The following PTN variants were observed in gnomAD, a reference collection of about 807,000 sequenced individuals.
PTN encodes the protein pleiotrophin.
Under a neutral mutation model 24.1 loss-of-function variants are expected in PTN, and 18 were observed. That is an observed-to-expected ratio of 0.75 (90% CI 0.52 to 1.11). The LOEUF is 1.11. Ranked by LOEUF, PTN falls within the 50% of genes least tolerant of loss-of-function variation. The probability of loss-of-function intolerance (pLI) is 0.00; values close to 1 mark genes in which losing one functional copy is unlikely to be tolerated. For synonymous variants in PTN, 78 were observed against 68.6 expected, an observed-to-expected ratio of 1.14 and a Z score of -0.67; for missense variants, 163 against 198.8, an observed-to-expected ratio of 0.82 and a Z score of 1.08.
intron 1 of PTN, among the ~76,000 whole-genome samples, chr7:137,321,884 CTAGGA>C (rs1810168291): frequency 6.6e-6 from 1 of 152,072 alleles, no homozygotes; most frequent in Admixed American, 6.6e-5. Flanking sequence ...CCGTATGTGA[CTAGGA>C]TAAGTAAAAA....
intron 1 of PTN, among the ~76,000 whole-genome samples, chr7:137,275,788 C>T (rs1809350740): frequency 6.6e-6 from 1 of 152,160 alleles, no homozygotes; most frequent in African/African-American, 2.4e-5. Flanking sequence ...TAAGAAACCA[C>T]ATTTAAAAAT....
At chr7:137,267,815 C>G (rs1024072697) in intron 1 of PTN, among the ~76,000 whole-genome samples, 3 of 152,022 alleles carry the variant, frequency 2.0e-5, no homozygotes, top group Non-Finnish European at 4.4e-5. Flanking sequence ...GAAATCCAAG[C>G]CAGGTCAAAA....
intron 1 of PTN, among the ~76,000 whole-genome samples, chr7:137,258,684 T>TA (rs1247562149): frequency 6.6e-6 from 1 of 152,182 alleles, no homozygotes; most frequent in Non-Finnish European, 1.5e-5. Context: ...GCTGTTGTAG[T>TA]AAATACTTGA....
chr7:137,302,289 AAC>A (rs1337456569), intron 1 of PTN, among the ~76,000 whole-genome samples: 1 of 152,000 alleles, frequency 6.6e-6, no homozygotes, highest in Non-Finnish European at 1.5e-5. Context: ...TAAGAAACAA[AAC>A]AGAGGCAACG....
intron 1 of PTN, among the ~76,000 whole-genome samples, chr7:137,286,734 G>T (rs1231960590): frequency 6.6e-6 from 1 of 152,044 alleles, no homozygotes; most frequent in East Asian, 1.9e-4. Flanking sequence ...ATAAATATTT[G>T]GAAGAATAGT....
At position 137,283,049 on chromosome 7, in the gene PTN, G is replaced by A. The variant is rs144304375; in HGVS notation, c.-1-28075C>T. Among the ~76,000 whole-genome samples the A allele has an allele frequency of 6.2e-4, 94 of 152,200 alleles. 1 individual carries two copies. In the East Asian group the frequency reaches 0.018, roughly 29 times the overall value. ...TGGAGCAGGAAATATCAAAGAGCCT[G>A]AAGGCTACCCCCTCCACTCCCACCT... On this transcript the variant is annotated intron_variant, in intron 1 of 4. Coordinates refer to ENST00000348225, the MANE Select transcript of PTN (RefSeq NM_002825.7).
chr7:137,281,770 G>A (rs904223295), intron 1 of PTN, among the ~76,000 whole-genome samples: 2 of 151,984 alleles, frequency 1.3e-5, no homozygotes, highest in African/African-American at 4.8e-5. Flanking sequence ...CAATTTAAAA[G>A]TAAAAAAATA....
rs143709564 is a variant in PTN at position 137,235,977 on chromosome 7, C to T, written c.452-7902G>A. The stretch of plus-strand genomic sequence containing the variant: ...CCCCCACTCACTTTGGGAGGCGGCT[C>T]AGCATTTAACTGCATCTCCTAAAAA... On this transcript the variant is annotated intron_variant, in intron 4 of 4. Coordinates refer to ENST00000348225, the MANE Select transcript of PTN (RefSeq NM_002825.7). 1.3e-3 allele frequency among the ~76,000 whole-genome samples: 196 copies of T among 152,238 alleles called. 3 individuals carry two copies. The East Asian group carries it at 0.029, about 22-fold the overall frequency.
intron 1 of PTN, among the ~76,000 whole-genome samples, chr7:137,258,521 C>T (rs1410007242): frequency 1.3e-5 from 2 of 152,008 alleles, no homozygotes; most frequent in Admixed American, 6.6e-5. Context: ...CTACTTAAGC[C>T]TATATTTTGA....
At chr7:137,289,436 C>A (rs963628416) in intron 1 of PTN, among the ~76,000 whole-genome samples, 1 of 152,166 alleles carries the variant, frequency 6.6e-6, no homozygotes, top group Non-Finnish European at 1.5e-5. Context: ...CGAGCAACCA[C>A]GAATCCAAGT....
At chr7:137,264,403 G>A (rs1809100344) in intron 1 of PTN, among the ~76,000 whole-genome samples, 1 of 152,174 alleles carries the variant, frequency 6.6e-6, no homozygotes, top group African/African-American at 2.4e-5. Flanking sequence ...CAAATTTTAA[G>A]GAAAATGAGT....
intron 1 of PTN, among the ~76,000 whole-genome samples, chr7:137,317,125 G>A (rs1260700430): frequency 6.6e-6 from 1 of 152,166 alleles, no homozygotes; most frequent in Non-Finnish European, 1.5e-5. Flanking sequence ...CTGTGTTTGT[G>A]AATCTGTCAC....
intron 1 of PTN, among the ~76,000 whole-genome samples, chr7:137,280,408 T>C (rs1402121997): frequency 6.6e-6 from 1 of 151,790 alleles, no homozygotes; most frequent in Non-Finnish European, 1.5e-5. Flanking sequence ...GGATTTAGTA[T>C]TGCCCAAGGA....
chr7:137,228,271 C>CTG (rs2128866656), intron 4 of PTN, among the ~76,000 whole-genome samples, 196 bp from the exon 5 acceptor site: 1 of 151,794 alleles, frequency 6.6e-6, no homozygotes, highest in South Asian at 2.1e-4. Context: ...GTCTGTCTGT[C>CTG]TGTCTGCTTT....
intron 1 of PTN, among the ~76,000 whole-genome samples, chr7:137,267,617 T>C (rs1036572901): frequency 3.9e-5 from 6 of 152,130 alleles, no homozygotes; most frequent in Non-Finnish European, 7.3e-5. Flanking sequence ...CTTAAATTCT[T>C]TCTTGAAATT....
intron 1 of PTN, among the ~76,000 whole-genome samples, chr7:137,340,820 A>C (rs1810521949): frequency 6.6e-6 from 1 of 152,148 alleles, no homozygotes; most frequent in Non-Finnish European, 1.5e-5. Flanking sequence ...GCTGAGGTGC[A>C]CTCAGGTGTG....
chr7:137,295,142 G>C (rs1002279690), intron 1 of PTN, among the ~76,000 whole-genome samples: 18 of 152,036 alleles, frequency 1.2e-4, no homozygotes, highest in Admixed American at 2.6e-4. Context: ...TCAGATTTTA[G>C]AGACTCTATG....
chr7:137,312,225 T>A (rs1264445503), intron 1 of PTN, among the ~76,000 whole-genome samples: 1 of 152,254 alleles, frequency 6.6e-6, no homozygotes, highest in Non-Finnish European at 1.5e-5. Flanking sequence ...ACAGTTGTAA[T>A]CATTTTCCAG....
rs1554383234 is a variant in PTN at position 137,324,433 on chromosome 7, A to ATAT, written c.-2+19005_-2+19006insATA. 7.3e-3 allele frequency among the ~76,000 whole-genome samples: 644 copies of ATAT among 88,740 alleles called. 9 individuals carry two copies. The highest frequency in any genetic ancestry group is 0.021 in the African/African-American group (297 of 14,476). The allele number at this position is 88,740 out of a possible 152,430, so 58.2% of individuals were successfully genotyped here. A position where few individuals can be genotyped will look rare whatever the true frequency, so the allele number is the denominator to read the frequency against. On this transcript the variant is annotated intron_variant, in intron 1 of 4. Transcript: ENST00000348225. ...CCCTGTCTCTAAAAAAAAAAAAAAAAATATATATATATATATATAAATTAA... is the reference window on the plus strand; with the variant it reads ...CCCTGTCTCTAAAAAAAAAAAAAAAATATATATATATATATATATATAAATTAA...
Sources: allele counts gnomAD v4.1 joint callset (sites outside exome capture counted in the v4.1 genomes callset), GRCh38; gene constraint gnomAD v4.1.1; transcripts MANE v1.5; gene names NCBI Gene and HGNC (gene_info 2026-07-23, HGNC 2026-07-21).